RPSA2: variants seen among roughly 807,000 people sequenced by gnomAD.
The protein encoded by RPSA2 is ribosomal protein SA 2.
chr19:23,814,562 A>G, the RPSA2 span, among the ~76,000 whole-genome samples: 1 of 152,190 alleles, frequency 6.6e-6, no homozygotes, highest in Non-Finnish European at 1.5e-5. Flanking sequence ...GTTTGGCTAG[A>G]GGTCATAATA....
chr19:23,783,662 T>C, the RPSA2 span, among the ~76,000 whole-genome samples: 1 of 152,018 alleles, frequency 6.6e-6, no homozygotes, highest in African/African-American at 2.4e-5. Flanking sequence ...AGCAAACACC[T>C]AGGGGTTGGA....
At chr19:23,860,873 A>G in the RPSA2 span, among the ~76,000 whole-genome samples, 3 of 152,172 alleles carry the variant, frequency 2.0e-5, no homozygotes, top group Non-Finnish European at 4.4e-5. Context: ...GTCTACCACA[A>G]TGCAAGACCT....
At chr19:23,758,732 A>T in the RPSA2 span, 1 of 1,614,160 alleles carries the variant, frequency 6.2e-7, no homozygotes. Flanking sequence ...GGGATGTCGG[A>T]CCCGACATTC....
chr19:23,851,506 C>G, the RPSA2 span, among the ~76,000 whole-genome samples: 3 of 152,052 alleles, frequency 2.0e-5, no homozygotes, highest in African/African-American at 7.2e-5. Flanking sequence ...CCTGTTGTAA[C>G]CTTGAAGATA....
the RPSA2 span, among the ~76,000 whole-genome samples, chr19:23,778,448 A>T: frequency 6.6e-6 from 1 of 152,156 alleles, no homozygotes; most frequent in East Asian, 1.9e-4. Context: ...TCCTGACCTC[A>T]GGTTATCTGC....
chr19:23,788,155 C>T, the RPSA2 span, among the ~76,000 whole-genome samples: 1 of 152,174 alleles, frequency 6.6e-6, no homozygotes, highest in Non-Finnish European at 1.5e-5. Flanking sequence ...TGACATATCT[C>T]TGGGCCCAGC....
At chr19:23,796,876 T>TC in the RPSA2 span, among the ~76,000 whole-genome samples, 1 of 151,360 alleles carries the variant, frequency 6.6e-6, no homozygotes, top group Non-Finnish European at 1.5e-5. Flanking sequence ...ATTTTTTTTT[T>TC]CATAGACTTA....
the RPSA2 span, among the ~76,000 whole-genome samples, chr19:23,869,933 A>AG: frequency 1.3e-5 from 2 of 152,232 alleles, no homozygotes; most frequent in East Asian, 3.9e-4. Flanking sequence ...GACCAGCTCC[A>AG]GGTAAGCAAT....
At chr19:23,818,294 A>T in the RPSA2 span, 1 of 152,204 alleles carries the variant, frequency 6.6e-6, no homozygotes, top group African/African-American at 2.4e-5. Flanking sequence ...ATATGGCTAG[A>T]ACTATTCTTA....
the RPSA2 span, among the ~76,000 whole-genome samples, chr19:23,854,026 G>A: frequency 2.3e-4 from 35 of 152,222 alleles, no homozygotes; most frequent in South Asian, 8.3e-4. Flanking sequence ...TCCAATAAGC[G>A]GCTTTTTCAC....
chr19:23,849,193 A>G, the RPSA2 span, among the ~76,000 whole-genome samples: 2 of 152,230 alleles, frequency 1.3e-5, no homozygotes, highest in Non-Finnish European at 2.9e-5. Flanking sequence ...ACAACTCTGT[A>G]TAGGAATAGT....
chr19:23,776,151 A>C, the RPSA2 span, among the ~76,000 whole-genome samples: 2 of 152,174 alleles, frequency 1.3e-5, no homozygotes, highest in Non-Finnish European at 2.9e-5. Flanking sequence ...GAAGCAGGAT[A>C]TGCACAGGAT....
At chr19:23,788,003 ATT>A in the RPSA2 span, among the ~76,000 whole-genome samples, 2 of 152,292 alleles carry the variant, frequency 1.3e-5, no homozygotes, top group African/African-American at 4.8e-5. Context: ...AGCGACAGTG[ATT>A]TATTACTGGG....
chr19:23,858,528 G>A, the RPSA2 span, among the ~76,000 whole-genome samples: 2 of 152,192 alleles, frequency 1.3e-5, no homozygotes, highest in Non-Finnish European at 2.9e-5. Context: ...TAGGCAGATA[G>A]TGAGTGCAAG....
At chr19:23,779,981 G>A in the RPSA2 span, among the ~76,000 whole-genome samples, 10 of 152,156 alleles carry the variant, frequency 6.6e-5, no homozygotes, top group Non-Finnish European at 1.5e-4. Flanking sequence ...TCCAGGTGAC[G>A]TCGCTCTCCT....
the RPSA2 span, among the ~76,000 whole-genome samples, chr19:23,817,312 G>A: frequency 0.32 from 49,099 of 152,070 alleles, 8,257 homozygotes; most frequent in Non-Finnish European, 0.38. Flanking sequence ...AACCCGGGAG[G>A]GAGAGGTTGC....
the RPSA2 span, among the ~76,000 whole-genome samples, chr19:23,767,765 T>A: frequency 7.8e-6 from 1 of 128,692 alleles, no homozygotes; most frequent in East Asian, 2.1e-4. Flanking sequence ...ATTTCAGTTT[T>A]TTTTTTTTTT....
the RPSA2 span, among the ~76,000 whole-genome samples, chr19:23,812,704 G>C: frequency 8.5e-5 from 13 of 152,176 alleles, no homozygotes; most frequent in Admixed American, 8.5e-4. Context: ...CGACCTCTTA[G>C]CTCATTTTCA....
chr19:23,810,439 G>GT, the RPSA2 span, among the ~76,000 whole-genome samples: 1 of 5,628 alleles, frequency 1.8e-4, no homozygotes, highest in South Asian at 0.083. Context: ...GGCTTGGATA[G>GT]TTGTAGTTTT....
Sources: gnomAD v4.1 joint callset for allele counts (sites outside exome capture counted in the v4.1 genomes callset) on GRCh38, gnomAD v4.1.1 for gene constraint, MANE v1.5 for transcripts, NCBI Gene and HGNC (gene_info 2026-07-23, HGNC 2026-07-21) for gene names.